Variants in SPG7 observed in about 807,000 individuals in gnomAD.
The protein encoded by SPG7 is mitochondrial inner membrane m-AAA protease component paraplegin.
A neutral mutation model predicts 81.9 loss-of-function variants in SPG7; 103 were observed. That is an observed-to-expected ratio of 1.26 (90% confidence interval 1.07 to 1.48). The LOEUF (loss-of-function observed/expected upper bound fraction) is 1.48. SPG7 is among the 40% of genes most tolerant of loss of function. The pLI is 0.00. For missense variants in SPG7, 1,241 were observed against 1,087.3 expected, an observed-to-expected ratio of 1.14 and a Z score of -1.99; for synonymous variants, 534 against 444.2, an observed-to-expected ratio of 1.20 and a Z score of -2.54.
rs1041145036 is a variant in SPG7, at chr16:89,532,189, C to T, written c.1150+123C>T. ...TGGGTGGGGGAGTAGAGAAGGAAAG[C>T]GAGGTCTGGGTTGGCGGAGGGGTTT... is the stretch of plus-strand genomic sequence containing the variant. On this transcript the variant is annotated intron_variant, in intron 8 of 16. Coordinates refer to ENST00000645818, the MANE Select transcript of SPG7 (RefSeq NM_003119.4). 1.8e-5 allele frequency: 21 copies of T among 1,143,794 alleles called. No individual in the cohort carries two copies. Among genetic ancestry groups the T allele is most frequent in the African/African-American group, 1.1e-4 (7 of 65,602 alleles). The allele number at this position is 1,143,794 out of a possible 1,614,324, so 70.9% of individuals were successfully genotyped here. A position where few individuals can be genotyped will look rare whatever the true frequency, so the allele number is the denominator to read the frequency against.
At chr16:89,548,926 G>T in intron 12 of SPG7, 1 of 454,164 alleles carries the variant, frequency 2.2e-6, no homozygotes, top group Non-Finnish European at 4.4e-6. Flanking sequence ...TGCGAGAACC[G>T]AGTTCCTCAC....
At chr16:89,549,803 C>CGTAACTCAGAGGAGGCCT (rs2058611648) in intron 12 of SPG7, 1 of 164,308 alleles carries the variant, frequency 6.1e-6, no homozygotes, top group South Asian at 1.6e-4. Context: ...GCAGGAGGCC[C>CGTAACTCAGAGGAGGCCT]GTAACTCAGA....
chr16:89,544,658 C>T lies in SPG7; in HGVS notation c.1335C>T (p.Thr445=). 1.2e-6 allele frequency: 2 copies of T among 1,614,066 alleles called. No homozygotes were observed. Among genetic ancestry groups the T allele is most frequent in the Non-Finnish European group, 1.7e-6 (2 of 1,179,964 alleles). Residue 445 remains threonine (T), a synonymous_variant, in exon 10 of 17, where the codon ACC becomes ACT. Coordinates refer to ENST00000645818, the MANE Select transcript of SPG7 (RefSeq NM_003119.4). The part of the protein sequence containing the change: ...QLLVEMDGMG[T]TDHVIVLAST... The stretch of plus-strand genomic sequence containing the variant: ...GCTCTGTCCCCTCAGGAATGGGTAC[C>T]ACAGACCATGTCATCGTCCTGGCGT...
chr16:89,553,104 G>A lies in SPG7; in HGVS notation c.1905G>A (p.Ser635=), dbSNP rs764051551. ...RMCMALGGRA[S]EALSFNEVTS... is the part of the protein sequence containing the mutation. ...GCATGGCCCTGGGAGGACGGGCCTC[G>A]GAAGCACTGTCCTTCAACGAGGTCA... The change falls in exon 14 of 17, where the codon TCG becomes TCA. Residue 635 remains serine (S), a synonymous_variant. Coordinates refer to ENST00000645818, the MANE Select transcript of SPG7 (RefSeq NM_003119.4). 1.7e-5 allele frequency: 28 copies of A among 1,611,980 alleles called. No individual in the cohort carries two copies. The highest frequency in any genetic ancestry group is 1.6e-4 in the Middle Eastern group (1 of 6,080).
At chr16:89,519,601 C>T (rs1050173677) in intron 3 of SPG7, 4 of 150,614 alleles carry the variant, frequency 2.7e-5, no homozygotes, top group South Asian at 2.1e-4. Context: ...AGGCTTGTCT[C>T]AGACTCCCGA....
At chr16:89,512,918 A>G (rs1224356267) in intron 2 of SPG7, 30 bp from the exon 3 acceptor site, 9 of 1,610,554 alleles carry the variant, frequency 5.6e-6, no homozygotes, top group Non-Finnish European at 7.6e-6. Context: ...GCAAAACTTA[A>G]TTGTTAAATC....
chr16:89,548,200 G>A (rs964420960), intron 12 of SPG7, 87 bp downstream of exon 12: 1 of 899,228 alleles, frequency 1.1e-6, no homozygotes, highest in Non-Finnish European at 1.8e-6. Flanking sequence ...AGGTGAGGTG[G>A]ATGGAACCAT....
At position 89,524,652 on chromosome 16, in the gene SPG7, C is replaced by G. The variant is rs972675491; in HGVS notation, c.618+405C>G. Among the ~76,000 whole-genome samples the G allele has an allele frequency of 1.8e-4, 28 of 152,120 alleles. 1 individual carries two copies. Among genetic ancestry groups the G allele is most frequent in the African/African-American group, 6.3e-4 (26 of 41,494 alleles). ...AGAGATGGGGTTTCTCCATGTTGGG[C>G]AAGGCTGGTCTCGAACTCCTGACCT... On this transcript the variant is annotated intron_variant, in intron 4 of 16. Coordinates refer to ENST00000645818, the MANE Select transcript of SPG7 (RefSeq NM_003119.4).
chr16:89,513,533 A>C (rs184578696), intron 3 of SPG7, among the ~76,000 whole-genome samples: 1 of 151,932 alleles, frequency 6.6e-6, no homozygotes, highest in African/African-American at 2.4e-5. Context: ...AAAAAAATTT[A>C]AATTTAAATT....
At chr16:89,511,098 A>G (rs2058015709) in intron 2 of SPG7, among the ~76,000 whole-genome samples, 1 of 152,158 alleles carries the variant, frequency 6.6e-6, no homozygotes, top group South Asian at 2.1e-4. Flanking sequence ...TTGGCCTCCC[A>G]AAGTGTTGAG....
chr16:89,532,084 G>C lies in SPG7; in HGVS notation c.1150+18G>C. ...CATTGGAGGTAGGTGCTGTGGTTGG[G>C]GGCTGTGGGTGGGCTTGGCTGACTA... On this transcript the variant is annotated intron_variant, in intron 8 of 16. Coordinates refer to ENST00000645818, the MANE Select transcript of SPG7 (RefSeq NM_003119.4). 1 of 1,610,448 alleles carries C rather than the reference G, an allele frequency of 6.2e-7. No homozygotes were observed. Among genetic ancestry groups the C allele is most frequent in the Non-Finnish European group, 8.5e-7 (1 of 1,179,814 alleles).
At chr16:89,546,616 T>A in intron 10 of SPG7, 42 bp from the exon 11 acceptor site, 1 of 1,347,520 alleles carries the variant, frequency 7.4e-7, no homozygotes, top group Non-Finnish European at 1.1e-6. Context: ...TGGCAGTAAC[T>A]AGGCTTGAGC....
At chr16:89,522,238 A>C (rs945095506) in intron 3 of SPG7, 3 of 152,186 alleles carry the variant, frequency 2.0e-5, no homozygotes, top group African/African-American at 7.2e-5. Flanking sequence ...CCACCTTTTT[A>C]GTGGGTTTCA....
intron 9 of SPG7, among the ~76,000 whole-genome samples, chr16:89,535,498 A>G (rs1237245066): frequency 6.6e-6 from 1 of 152,214 alleles, no homozygotes; most frequent in Admixed American, 6.5e-5. Context: ...TCGTCTCTCA[A>G]CACGCTTATT....
intron 5 of SPG7, 63 bp from the exon 6 acceptor site, chr16:89,529,414 G>A (rs1166513771): frequency 3.7e-6 from 4 of 1,071,258 alleles, no homozygotes; most frequent in East Asian, 5.0e-5. Flanking sequence ...GTTCTGATTT[G>A]GAAGCCTGCG....
chr16:89,552,226 G>A (rs2058642187), intron 13 of SPG7: 1 of 152,548 alleles, frequency 6.6e-6, no homozygotes, highest in Admixed American at 6.5e-5. Flanking sequence ...TGGCTCGAGT[G>A]ATTTTTATAT....
chr16:89,544,839 G>A (rs924107269), intron 10 of SPG7, 67 bp downstream of exon 10: 40 of 1,589,436 alleles, frequency 2.5e-5, no homozygotes, highest in Non-Finnish European at 3.4e-5. Context: ...GAGTGGTCTG[G>A]CCTCTCCTCT....
In SPG7 at chr16:89,552,968, C is replaced by T. The variant is rs760830716; in HGVS notation, c.1780-11C>T. The T allele has an allele frequency of 1.1e-5, 17 of 1,613,412 alleles. No individual in the cohort carries two copies. Among genetic ancestry groups the T allele is most frequent in the Admixed American group, 1.7e-5 (1 of 60,000 alleles). On this transcript the variant is annotated splice_polypyrimidine_tract_variant and intron_variant, in intron 13 of 16. Transcript: ENST00000645818. The stretch of plus-strand genomic sequence containing the variant: ...TGCCTACTGACCTGGGTCATCTTGA[C>T]CTTGTGCCAGGTCTCCATAACCCCT...
chr16:89,547,862 C>G, intron 11 of SPG7, 141 bp from the exon 12 acceptor site: 2 of 734,402 alleles, frequency 2.7e-6, no homozygotes, highest in Non-Finnish European at 4.9e-6. Flanking sequence ...ATCTGCCCAC[C>G]TCAGCCTCCC....
Sources: gnomAD v4.1 joint callset for allele counts (sites outside exome capture counted in the v4.1 genomes callset) on GRCh38, gnomAD v4.1.1 for gene constraint, MANE v1.5 for transcripts, NCBI Gene and HGNC (gene_info 2026-07-23, HGNC 2026-07-21) for gene names.